The following EDIL3 variants were observed in gnomAD, a reference collection of about 807,000 sequenced individuals.
EDIL3 encodes EGF-like repeat and discoidin I-like domain-containing protein 3.
A neutral mutation model predicts 67.4 loss-of-function variants in EDIL3; 37 were observed. That is an observed-to-expected ratio of 0.55 (90% CI 0.42 to 0.72). The LOEUF is 0.72. Among genes scored for constraint, EDIL3 ranks in the 30% least tolerant of loss-of-function variants. The pLI, the probability that EDIL3 is intolerant of heterozygous loss-of-function variation, is 0.00. For synonymous variants in EDIL3, 195 were observed against 196.3 expected (o/e 0.99, Z 0.05); for missense variants, 527 against 586.3 (o/e 0.90, Z 1.04).
intron 9 of EDIL3, among the ~76,000 whole-genome samples, chr5:84,010,438 A>G (rs543959758): frequency 6.6e-6 from 1 of 152,138 alleles, no homozygotes; most frequent in East Asian, 1.9e-4. Flanking sequence ...GTTTTGTTCT[A>G]TTTATTTCAC....
chr5:84,198,202 T>G (rs1743753282), intron 3 of EDIL3, among the ~76,000 whole-genome samples: 1 of 151,912 alleles, frequency 6.6e-6, no homozygotes, highest in Non-Finnish European at 1.5e-5. Flanking sequence ...GATGATACCA[T>G]TAATGCAAGG....
chr5:84,238,902 G>A (rs564737223), intron 2 of EDIL3, among the ~76,000 whole-genome samples: 1 of 151,950 alleles, frequency 6.6e-6, no homozygotes, highest in Admixed American at 6.5e-5. Flanking sequence ...ACTATTCAGG[G>A]TGGGCCCACA....
At chr5:84,169,747 A>G (rs951777598) in intron 4 of EDIL3, among the ~76,000 whole-genome samples, 18 of 151,700 alleles carry the variant, frequency 1.2e-4, no homozygotes, top group African/African-American at 4.4e-4. Flanking sequence ...CTGAGTAGCA[A>G]TTCCATGGTA....
chr5:84,158,593 G>C (rs1748536029), intron 4 of EDIL3, among the ~76,000 whole-genome samples: 1 of 152,006 alleles, frequency 6.6e-6, no homozygotes, highest in African/African-American at 2.4e-5. Context: ...CAGTTGTGTA[G>C]TGCCTAGTAC....
intron 2 of EDIL3, among the ~76,000 whole-genome samples, chr5:84,251,439 C>A (rs900914124): frequency 1.3e-5 from 2 of 148,694 alleles, no homozygotes; most frequent in Admixed American, 1.3e-4. Context: ...GAAACAAAAA[C>A]GCAGGATGGT....
chr5:84,052,281 G>C (rs1746355173), intron 9 of EDIL3, among the ~76,000 whole-genome samples: 2 of 152,110 alleles, frequency 1.3e-5, no homozygotes, highest in Non-Finnish European at 1.5e-5. Context: ...TCACCATCAG[G>C]CCTGCCTTAC....
chr5:84,218,754 T>C (rs551499624), intron 3 of EDIL3, among the ~76,000 whole-genome samples: 2 of 152,100 alleles, frequency 1.3e-5, no homozygotes, highest in South Asian at 4.1e-4. Flanking sequence ...GGGCCTCGAA[T>C]GAACATTGGC....
At chr5:84,301,285 A>G (rs1444345863) in intron 1 of EDIL3, among the ~76,000 whole-genome samples, 2 of 151,898 alleles carry the variant, frequency 1.3e-5, no homozygotes, top group Admixed American at 1.3e-4. Flanking sequence ...AAAAGAAAAA[A>G]AAAAAAGAAA....
At chr5:84,218,504 C>G (rs184674617) in intron 3 of EDIL3, among the ~76,000 whole-genome samples, 3 of 152,328 alleles carry the variant, frequency 2.0e-5, no homozygotes, top group Admixed American at 1.3e-4. Context: ...TGCAAGAACA[C>G]CAGACCGAAC....
chr5:84,071,854 C>T (rs750110104), intron 6 of EDIL3, among the ~76,000 whole-genome samples: 14 of 151,940 alleles, frequency 9.2e-5, no homozygotes, highest in South Asian at 2.1e-4. Flanking sequence ...AGTGTGATAC[C>T]GGCACACATG....
intron 5 of EDIL3, among the ~76,000 whole-genome samples, chr5:84,113,729 T>A (rs1747614386): frequency 6.6e-6 from 1 of 152,176 alleles, no homozygotes; most frequent in Non-Finnish European, 1.5e-5. Flanking sequence ...CACAGCTGAA[T>A]CCGCAACAGG....
chr5:84,355,147 C>T (rs1747454456), intron 1 of EDIL3, among the ~76,000 whole-genome samples: 2 of 152,292 alleles, frequency 1.3e-5, no homozygotes, highest in South Asian at 4.1e-4. Flanking sequence ...GGTCTTTTCA[C>T]ACAGTCCCAT....
intron 1 of EDIL3, among the ~76,000 whole-genome samples, chr5:84,325,154 T>C (rs1453941853): frequency 6.6e-6 from 1 of 151,940 alleles, no homozygotes; most frequent in Non-Finnish European, 1.5e-5. Flanking sequence ...TTTTTTTTAA[T>C]TGTACATCAA....
chr5:84,166,367 C>T (rs1462888287), intron 4 of EDIL3, among the ~76,000 whole-genome samples: 2 of 151,984 alleles, frequency 1.3e-5, no homozygotes, highest in Admixed American at 6.6e-5. Flanking sequence ...TTGTTGTTCT[C>T]CCTTGTTTTG....
intron 6 of EDIL3, among the ~76,000 whole-genome samples, chr5:84,084,816 A>G (rs1668120195): frequency 6.6e-6 from 1 of 152,214 alleles, no homozygotes; most frequent in South Asian, 2.1e-4. Context: ...ATGCTTTGCC[A>G]AAGTGAAAAA....
chr5:84,000,017 A>C (rs569663749), intron 9 of EDIL3, among the ~76,000 whole-genome samples: 271 of 152,214 alleles, frequency 1.8e-3, no homozygotes, highest in African/African-American at 5.9e-3. Context: ...GAAAAAAAAA[A>C]AAACTTTTAT....
At chr5:84,078,994 AGAG>A (rs557570499) in intron 6 of EDIL3, among the ~76,000 whole-genome samples, 1 of 152,150 alleles carries the variant, frequency 6.6e-6, no homozygotes, top group South Asian at 2.1e-4. Flanking sequence ...TCCTCTAGGA[AGAG>A]GAGAGGGACT....
chr5:84,030,300 T>G (rs1332271216), intron 9 of EDIL3, among the ~76,000 whole-genome samples: 1 of 152,240 alleles, frequency 6.6e-6, no homozygotes, highest in African/African-American at 2.4e-5. Flanking sequence ...AAAACATAAG[T>G]TCTTTAAAAA....
At chr5:83,989,151 C>T (rs1745105947) in intron 9 of EDIL3, among the ~76,000 whole-genome samples, 1 of 152,102 alleles carries the variant, frequency 6.6e-6, no homozygotes, top group Non-Finnish European at 1.5e-5. Flanking sequence ...GAAATGTAAA[C>T]TCTGGGAACT....
Sources: allele counts gnomAD v4.1 joint callset (sites outside exome capture counted in the v4.1 genomes callset), GRCh38; gene constraint gnomAD v4.1.1; transcripts MANE v1.5; gene names NCBI Gene and HGNC (gene_info 2026-07-23, HGNC 2026-07-21).